MYO16: variants seen among roughly 807,000 people sequenced by gnomAD.
MYO16 encodes unconventional myosin-XVI.
Under a neutral mutation model 205.3 loss-of-function variants are expected in MYO16, and 94 were observed. That is an observed-to-expected ratio of 0.46 (90% confidence interval 0.39 to 0.54). MYO16 has a LOEUF of 0.54. Ranked by LOEUF, MYO16 falls within the 20% of genes least tolerant of loss-of-function variation. MYO16 has a pLI of 0.00. For missense variants in MYO16, 2,315 were observed against 2,387.5 expected (o/e 0.97, Z 0.63); for synonymous variants, 988 against 954.0 (o/e 1.04, Z -0.66).
Position 108,767,913 on chromosome 13 carries a change from G to GT in MYO16, c.508-17721dup, listed in dbSNP as rs537164030. On this transcript the variant is annotated intron_variant, in intron 4 of 34. Transcript: ENST00000457511. ...TTTCCCTTACCACTGTTTTATTCAT[G>GT]TAGCAACAATTTGTTAGCTGCATAC... Among the ~76,000 whole-genome samples, 388 of 152,242 alleles carry GT rather than the reference G, an allele frequency of 2.5e-3. 4 individuals carry two copies. Among genetic ancestry groups the GT allele is most frequent in the African/African-American group, 9.1e-3 (378 of 41,524 alleles).
chr13:109,090,056 T>C (rs760737455), intron 27 of MYO16, among the ~76,000 whole-genome samples: 5 of 152,308 alleles, frequency 3.3e-5, no homozygotes, highest in South Asian at 2.1e-4. Flanking sequence ...ATGTCTTCGT[T>C]TGAGTGGTGC....
intron 34 of MYO16, among the ~76,000 whole-genome samples, chr13:109,195,155 TA>T (rs1378885967): frequency 6.6e-6 from 1 of 152,060 alleles, no homozygotes; most frequent in African/African-American, 2.4e-5. Flanking sequence ...AGCATCCAGA[TA>T]AGGTAAAAAA....
chr13:108,638,289 T>C (rs1880349498), intron 1 of MYO16, among the ~76,000 whole-genome samples: 1 of 152,216 alleles, frequency 6.6e-6, no homozygotes, highest in African/African-American at 2.4e-5. Flanking sequence ...GTTAGGTTTT[T>C]TGTTTCACTT....
rs1236413380 is a variant in MYO16 at position 109,141,796 on chromosome 13, G to A, written c.5164+420G>A. Among the ~76,000 whole-genome samples the A allele has an allele frequency of 6.6e-6, 1 of 152,150 alleles. No homozygotes were observed. The highest frequency in any genetic ancestry group is 6.5e-5 in the Admixed American group (1 of 15,278). On this transcript the variant is annotated intron_variant, in intron 32 of 34. Coordinates refer to ENST00000457511, the MANE Select transcript of MYO16 (RefSeq NM_001198950.3). This position sits in a 1 kb window ranked among gnomAD's most constrained non-coding sequence, Gnocchi z 4.1. The stretch of plus-strand genomic sequence containing the variant: ...TGTACAGTTCACAGCTAATCCCCGA[G>A]CGTGCGGTTTGCCATCCATCTAGCT...
intron 28 of MYO16, among the ~76,000 whole-genome samples, chr13:109,116,739 G>A (rs896792924): frequency 2.0e-5 from 3 of 152,202 alleles, no homozygotes. Flanking sequence ...GGAGATGACA[G>A]GGTCAGCTAG....
At chr13:108,728,642 G>A (rs1279038718) in intron 4 of MYO16, among the ~76,000 whole-genome samples, 1 of 152,166 alleles carries the variant, frequency 6.6e-6, no homozygotes, top group African/African-American at 2.4e-5. Flanking sequence ...ATCAGCACAT[G>A]ACTTTCTTCT....
At chr13:109,061,610 C>T (rs1887595533) in intron 27 of MYO16, among the ~76,000 whole-genome samples, 1 of 152,042 alleles carries the variant, frequency 6.6e-6, no homozygotes, top group Non-Finnish European at 1.5e-5. Flanking sequence ...AGTTTGTTTT[C>T]TTATATCGGT....
intron 21 of MYO16, among the ~76,000 whole-genome samples, chr13:109,002,255 TCTC>T (rs1885241458): frequency 6.6e-6 from 1 of 152,238 alleles, no homozygotes; most frequent in Non-Finnish European, 1.5e-5. Flanking sequence ...CTTTAATTAA[TCTC>T]CTACTTTAAT....
chr13:109,120,070 A>T (rs764372484), intron 28 of MYO16, among the ~76,000 whole-genome samples: 55 of 152,234 alleles, frequency 3.6e-4, no homozygotes, highest in Non-Finnish European at 7.3e-4. Flanking sequence ...GGATGCTCTT[A>T]TCTTCTGACT....
At chr13:109,095,660 G>A (rs775105362) in intron 27 of MYO16, among the ~76,000 whole-genome samples, 2 of 152,184 alleles carry the variant, frequency 1.3e-5, no homozygotes, top group East Asian at 1.9e-4. Context: ...TCAGATGCTC[G>A]AATTATATCA....
chr13:108,686,156 G>GGGA (rs1257773335), intron 2 of MYO16, among the ~76,000 whole-genome samples: 1 of 152,138 alleles, frequency 6.6e-6, no homozygotes, highest in Non-Finnish European at 1.5e-5. Flanking sequence ...AGTTGGCTAT[G>GGGA]GGAGGATCCC....
At chr13:108,953,638 A>G (rs1273005854) in intron 16 of MYO16, among the ~76,000 whole-genome samples, 1 of 151,028 alleles carries the variant, frequency 6.6e-6, no homozygotes, top group Non-Finnish European at 1.5e-5. Context: ...TCCATATTTT[A>G]CCATGCATAT....
At chr13:108,659,680 T>C (rs1168394754) in intron 1 of MYO16, among the ~76,000 whole-genome samples, 1 of 152,168 alleles carries the variant, frequency 6.6e-6, no homozygotes, top group African/African-American at 2.4e-5. Context: ...CTGCCACATG[T>C]TAAGTGCTGG....
chr13:108,579,160 G>A, the MYO16 span, among the ~76,000 whole-genome samples: 1 of 152,130 alleles, frequency 6.6e-6, no homozygotes, highest in Non-Finnish European at 1.5e-5. Flanking sequence ...ACAGAGTGGT[G>A]GCCCATGCCC....
chr13:109,007,378 A>T (rs1885428856), intron 21 of MYO16, among the ~76,000 whole-genome samples: 1 of 149,998 alleles, frequency 6.7e-6, no homozygotes, highest in Admixed American at 6.7e-5. Context: ...ACAGGGCGAG[A>T]CTCCGTCTCA....
At chr13:108,823,889 A>G (rs1371255193) in intron 9 of MYO16, among the ~76,000 whole-genome samples, 1 of 152,138 alleles carries the variant, frequency 6.6e-6, no homozygotes, top group Admixed American at 6.6e-5. Flanking sequence ...GCATATGGAT[A>G]TACAAACACA....
intron 16 of MYO16, among the ~76,000 whole-genome samples, chr13:108,924,704 G>A (rs1339140972): frequency 6.6e-6 from 1 of 152,070 alleles, no homozygotes; most frequent in Non-Finnish European, 1.5e-5. Context: ...GAAGACAGTG[G>A]CAGTTGCCTG....
chr13:108,817,749 G>C (rs980310380), intron 7 of MYO16, among the ~76,000 whole-genome samples: 1 of 152,126 alleles, frequency 6.6e-6, no homozygotes, highest in Non-Finnish European at 1.5e-5. Context: ...TTTATGATTT[G>C]ACTTCCGTTG....
chr13:108,850,803 A>G (rs1171465115), intron 10 of MYO16, among the ~76,000 whole-genome samples: 1 of 152,172 alleles, frequency 6.6e-6, no homozygotes, highest in Non-Finnish European at 1.5e-5. Flanking sequence ...ATCTGCTCTC[A>G]CACTGGCTCT....
Sources: allele counts gnomAD v4.1 joint callset (sites outside exome capture counted in the v4.1 genomes callset), GRCh38; gene constraint gnomAD v4.1.1; non-coding constraint Gnocchi (gnomAD v3.1); transcripts MANE v1.5; gene names NCBI Gene and HGNC (gene_info 2026-07-23, HGNC 2026-07-21).